The following CAMTA1 variants were observed in gnomAD, a reference collection of about 807,000 sequenced individuals.
CAMTA1 encodes the protein calmodulin binding transcription activator 1, also known as calmodulin-binding transcription activator 1.
In CAMTA1, 27 loss-of-function variants were observed where a neutral mutation model predicts 170.9. The ratio of observed to expected loss-of-function variants is 0.16; its 90% CI spans 0.12 to 0.22. CAMTA1 has a LOEUF of 0.22. Ranked by LOEUF, CAMTA1 falls within the 10% of genes least tolerant of loss-of-function variation. The pLI, the probability that CAMTA1 is intolerant of heterozygous loss-of-function variation, is 1.00. For synonymous variants in CAMTA1, 833 were observed against 891.5 expected (o/e 0.93, Z 1.17); for missense variants, 1,619 against 2,217.2 (o/e 0.73, Z 5.42).
Position 7,664,140 on chromosome 1 carries a change from G to C in CAMTA1, c.1593G>C (p.Glu531Asp), listed in dbSNP as rs771761286. ...SFSFTTVLTKEIKTEDTSFEQ... is the reference protein window; with the variant it reads ...SFSFTTVLTKDIKTEDTSFEQ... ...GCTTTACCACCGTCCTCACCAAGGAGATCAAGACCGAGGACACCTCCTTCG... is the reference window on the plus strand; with the variant it reads ...GCTTTACCACCGTCCTCACCAAGGACATCAAGACCGAGGACACCTCCTTCG... The change falls in exon 9 of 23, where the codon GAG becomes GAC. Residue 531 changes from glutamate to aspartate, a missense_variant. This residue lies in a region of CAMTA1 where 731 missense variants were observed against 907.6 expected (regional missense o/e 0.81). Transcript: ENST00000303635. 6.2e-7 allele frequency: 1 copy of C among 1,613,232 alleles called. No homozygotes were observed. Among genetic ancestry groups the C allele is most frequent in the East Asian group, 2.2e-5 (1 of 44,876 alleles).
At chr1:7,755,735 C>A in intron 22 of CAMTA1, 67 bp downstream of exon 22, 1 of 1,379,602 alleles carries the variant, frequency 7.2e-7, no homozygotes, top group Non-Finnish European at 1.0e-6. Context: ...TTTTTGCTTG[C>A]TTGCATGAGG....
intron 4 of CAMTA1, among the ~76,000 whole-genome samples, chr1:7,126,689 C>T (rs898662515): frequency 1.3e-5 from 2 of 152,312 alleles, no homozygotes; most frequent in African/African-American, 4.8e-5. Flanking sequence ...AAGATCCAAC[C>T]AATGCATAGC....
At chr1:6,997,167 C>T (rs60724413) in intron 3 of CAMTA1, among the ~76,000 whole-genome samples, 23,517 of 152,118 alleles carry the variant, frequency 0.15, 2,044 homozygotes, top group South Asian at 0.25. Context: ...ATGTTCTACA[C>T]GTACTCAAAA....
intron 3 of CAMTA1, among the ~76,000 whole-genome samples, chr1:6,920,166 A>T (rs1571717565): frequency 6.6e-6 from 1 of 152,316 alleles, no homozygotes; most frequent in Non-Finnish European, 1.5e-5. Flanking sequence ...TACTTCCTAG[A>T]TGCTTCGGGG....
chr1:6,850,176 G>C (rs550450425), intron 3 of CAMTA1, among the ~76,000 whole-genome samples: 2 of 152,144 alleles, frequency 1.3e-5, no homozygotes, highest in South Asian at 4.1e-4. Context: ...TTGTGTTCAA[G>C]TTAGGAAGGA....
rs1439109019 is a variant in CAMTA1 at position 7,300,966 on chromosome 1, A to C, written c.438+51340A>C. Among the ~76,000 whole-genome samples, 1 of 152,248 alleles carries C rather than the reference A, an allele frequency of 6.6e-6. No individual in the cohort carries two copies. Among genetic ancestry groups the C allele is most frequent in the African/African-American group, 2.4e-5 (1 of 41,474 alleles). ...ATATCATAGATGAGATACAACACAC[A>C]CATTGGATTCTAGCAGCAATTACCC... On this transcript the variant is annotated intron_variant, in intron 5 of 22. Transcript: ENST00000303635. The surrounding 1 kb of genome is among the most constrained non-coding windows in gnomAD (Gnocchi z 4.1).
intron 3 of CAMTA1, among the ~76,000 whole-genome samples, chr1:6,951,154 C>T (rs1688416009): frequency 6.6e-6 from 1 of 152,196 alleles, no homozygotes; most frequent in Non-Finnish European, 1.5e-5. Context: ...TGTTTGTTCC[C>T]ACTTTTTTAT....
At chr1:7,417,468 G>T (rs1455040281) in intron 5 of CAMTA1, among the ~76,000 whole-genome samples, 1 of 139,856 alleles carries the variant, frequency 7.2e-6, no homozygotes, top group African/African-American at 2.7e-5. Context: ...AAGCAAGCCT[G>T]GGCAATGGCA....
At chr1:7,459,265 A>G (rs888696599) in intron 5 of CAMTA1, among the ~76,000 whole-genome samples, 1 of 152,226 alleles carries the variant, frequency 6.6e-6, no homozygotes, top group Non-Finnish European at 1.5e-5. Context: ...TCTTCCCCAC[A>G]GATGCCTCTG....
At chr1:7,698,070 T>C (rs2096395618) in intron 11 of CAMTA1, among the ~76,000 whole-genome samples, 1 of 71,362 alleles carries the variant, frequency 1.4e-5, no homozygotes. Context: ...GGCCACGCAC[T>C]GTGACCCCCC....
intron 6 of CAMTA1, among the ~76,000 whole-genome samples, chr1:7,538,461 G>A (rs79943862): frequency 0.03 from 4,497 of 152,262 alleles, 232 homozygotes; most frequent in African/African-American, 0.1. Flanking sequence ...GACCAGCCTG[G>A]GTAACATAGG....
chr1:7,241,841 T>C (rs183023589), intron 4 of CAMTA1, among the ~76,000 whole-genome samples: 3 of 152,128 alleles, frequency 2.0e-5, no homozygotes, highest in Admixed American at 6.5e-5. Flanking sequence ...GCTAAAGATA[T>C]AAAAGATATA....
chr1:7,500,164 ATGAG>A (rs202173639), intron 6 of CAMTA1, among the ~76,000 whole-genome samples: 31 of 98,220 alleles, frequency 3.2e-4, no homozygotes, highest in Non-Finnish European at 4.6e-4. Flanking sequence ...ATGTGTGTAC[ATGAG>A]TGAGTGTGTA....
rs543838811 is a variant in CAMTA1, at chr1:7,370,265, A to G, written c.439-97565A>G. On this transcript the variant is annotated intron_variant, in intron 5 of 22. Coordinates refer to ENST00000303635, the MANE Select transcript of CAMTA1 (RefSeq NM_015215.4). ...AACTCAGAAGTCAATTGACTTAAAC[A>G]TGGAACAATGCAGCTTGGTTATTAT... The G allele has an allele frequency of 5.9e-5, 9 of 152,358 alleles. No homozygotes were observed. The East Asian group carries it at 1.3e-3, about 23-fold the overall frequency. 9.4% of individuals were successfully genotyped at this position (152,358 alleles called of 1,614,324 possible). A position where few individuals can be genotyped will look rare whatever the true frequency, so the allele number is the denominator to read the frequency against.
chr1:7,185,472 A>C (rs74805525), intron 4 of CAMTA1, among the ~76,000 whole-genome samples: 417 of 152,342 alleles, frequency 2.7e-3, no homozygotes, highest in African/African-American at 9.1e-3. Flanking sequence ...TTGAGCGTCA[A>C]AATTAATATA....
At chr1:7,130,431 C>T (rs1368626178) in intron 4 of CAMTA1, among the ~76,000 whole-genome samples, 6 of 152,206 alleles carry the variant, frequency 3.9e-5, no homozygotes, top group African/African-American at 1.4e-4. Flanking sequence ...TACATGTACA[C>T]ATCTTTGAGC....
At chr1:7,720,188 T>G (rs950855316) in intron 11 of CAMTA1, among the ~76,000 whole-genome samples, 1 of 152,232 alleles carries the variant, frequency 6.6e-6, no homozygotes, top group Admixed American at 6.5e-5. Context: ...AGTGTTCCTT[T>G]TGTTTAACCC....
At chr1:7,473,906 T>C (rs2093375968) in intron 6 of CAMTA1, among the ~76,000 whole-genome samples, 1 of 152,202 alleles carries the variant, frequency 6.6e-6, no homozygotes, top group African/African-American at 2.4e-5. Context: ...CCAGGAAGGG[T>C]CCTCAGGATG....
intron 3 of CAMTA1, among the ~76,000 whole-genome samples, chr1:7,058,866 C>T (rs1468849175): frequency 7.2e-6 from 1 of 138,882 alleles, no homozygotes; most frequent in Non-Finnish European, 1.6e-5. Context: ...TGTACACACA[C>T]ACATACACAC....
Sources: gnomAD v4.1 joint callset for allele counts (sites outside exome capture counted in the v4.1 genomes callset) on GRCh38, gnomAD v4.1.1 for gene constraint, gnomAD v4.1.1 regional missense constraint, Gnocchi (gnomAD v3.1) non-coding constraint, MANE v1.5 for transcripts, NCBI Gene and HGNC (gene_info 2026-07-23, HGNC 2026-07-21) for gene names.